The following CACNA1D variants were observed in gnomAD, a reference collection of about 807,000 sequenced individuals.
CACNA1D encodes the protein voltage-dependent L-type calcium channel subunit alpha-1D.
A neutral mutation model predicts 257.1 loss-of-function variants in CACNA1D; 55 were observed. The ratio of observed to expected loss-of-function variants is 0.21; its 90% CI spans 0.17 to 0.27. The LOEUF (loss-of-function observed/expected upper bound fraction) is 0.27, where lower values mean the gene tolerates loss of function less well. Ranked by LOEUF, CACNA1D falls within the 10% of genes least tolerant of loss-of-function variation. The pLI, the probability that CACNA1D is intolerant of heterozygous loss-of-function variation, is 1.00. For missense variants in CACNA1D, 1,876 were observed against 2,784.0 expected (o/e 0.67, Z 7.34); for synonymous variants, 980 against 1,014.9 (o/e 0.97, Z 0.65).
chr3:53,793,988 G>A lies in CACNA1D; in HGVS notation c.4924-6261G>A, dbSNP rs1231870788. Among the ~76,000 whole-genome samples the A allele has an allele frequency of 2.0e-5, 3 of 152,180 alleles. No individual in the cohort carries two copies. The highest frequency in any genetic ancestry group is 4.4e-5 in the Non-Finnish European group (3 of 68,036). On this transcript the variant is annotated intron_variant, in intron 40 of 47. Coordinates refer to ENST00000350061, the MANE Select transcript of CACNA1D (RefSeq NM_001128840.3). The surrounding 1 kb of genome is among the most constrained non-coding windows in gnomAD (Gnocchi z 4.1). ...CTCCTGGATAGAAGATGAGAGGCAG[G>A]CCAGTATACATTGTAGGGAGGCTCT...
At chr3:53,797,058 T>C (rs2095510745) in intron 40 of CACNA1D, among the ~76,000 whole-genome samples, 2 of 152,198 alleles carry the variant, frequency 1.3e-5, no homozygotes, top group African/African-American at 4.8e-5. Flanking sequence ...GTTTGTAAAG[T>C]GTTTATCCCA....
Position 53,809,961 on chromosome 3 carries a change from GTCCCCTCTT to G in CACNA1D, c.5872-13_5872-5del, listed in dbSNP as rs2095587659. On this transcript the variant is annotated splice_region_variant and splice_polypyrimidine_tract_variant and intron_variant, in intron 46 of 47. Coordinates refer to ENST00000350061, the MANE Select transcript of CACNA1D (RefSeq NM_001128840.3). The stretch of plus-strand genomic sequence containing the variant: ...TCTGAGAACCTCTGGTCTCCCAACA[GTCCCCTCTT>G]TCCTCAGATCATGGCAGTTGCCGGC... 1 of 1,612,846 alleles carries G rather than the reference GTCCCCTCTT, an allele frequency of 6.2e-7. No homozygotes were observed.
chr3:53,747,486 C>T, intron 26 of CACNA1D, 38 bp downstream of exon 26: 1 of 1,609,112 alleles, frequency 6.2e-7, no homozygotes, highest in Non-Finnish European at 8.5e-7. Context: ...GGAGAGGCAC[C>T]TGCGTGCCCA....
At chr3:53,535,259 G>C (rs1456121561) in intron 3 of CACNA1D, among the ~76,000 whole-genome samples, 1 of 152,186 alleles carries the variant, frequency 6.6e-6, no homozygotes, top group East Asian at 1.9e-4. Flanking sequence ...AAGGCAGGCA[G>C]GCAGGAGCAA....
chr3:53,597,348 G>T (rs2093383418), intron 3 of CACNA1D, among the ~76,000 whole-genome samples: 1 of 152,208 alleles, frequency 6.6e-6, no homozygotes, highest in African/African-American at 2.4e-5. Context: ...AGGTTGATGG[G>T]AGCATGTTAC....
intron 10 of CACNA1D, chr3:53,718,601 C>CCCCCCCAA: frequency 4.5e-6 from 5 of 1,103,158 alleles, no homozygotes; most frequent in Non-Finnish European, 6.7e-6. Context: ...CCCCCCGGCC[C>CCCCCCCAA]AGCATTTCAC....
chr3:53,687,362 TTTACTGTAAAGCTGTA>T (rs2108500151), intron 8 of CACNA1D, among the ~76,000 whole-genome samples: 1 of 152,238 alleles, frequency 6.6e-6, no homozygotes, highest in Non-Finnish European at 1.5e-5. Flanking sequence ...GATTTCAAAA[TTTACTGTAAAGCTGTA>T]ATAAATACAA....
At chr3:53,554,387 T>C (rs1191221789) in intron 3 of CACNA1D, among the ~76,000 whole-genome samples, 45 of 152,184 alleles carry the variant, frequency 3.0e-4, no homozygotes, top group Admixed American at 2.9e-3. Context: ...TGAACAATCA[T>C]ATGCAATTCC....
intron 3 of CACNA1D, among the ~76,000 whole-genome samples, chr3:53,613,916 A>G (rs1213732249): frequency 2.6e-5 from 4 of 152,144 alleles, no homozygotes; most frequent in Admixed American, 2.0e-4. Flanking sequence ...AAAGTTCAAT[A>G]TAAGAAATTA....
intron 3 of CACNA1D, among the ~76,000 whole-genome samples, chr3:53,503,333 T>C (rs1025201905): frequency 1.3e-5 from 2 of 152,218 alleles, no homozygotes; most frequent in African/African-American, 4.8e-5. Context: ...TGTAGACATG[T>C]GACATTAGAT....
intron 40 of CACNA1D, chr3:53,791,427 A>G (rs2106642281): frequency 6.1e-6 from 1 of 164,766 alleles, no homozygotes; most frequent in Non-Finnish European, 1.3e-5. Flanking sequence ...AAATAAAAAT[A>G]AAAAGATTAA....
At chr3:53,509,323 G>A (rs2091008155) in intron 3 of CACNA1D, among the ~76,000 whole-genome samples, 1 of 152,040 alleles carries the variant, frequency 6.6e-6, no homozygotes, top group Non-Finnish European at 1.5e-5. Context: ...GAGAGCTCAT[G>A]CTCATGAGTG....
At chr3:53,628,565 A>G (rs1268651047) in intron 3 of CACNA1D, among the ~76,000 whole-genome samples, 1 of 152,254 alleles carries the variant, frequency 6.6e-6, no homozygotes, top group Non-Finnish European at 1.5e-5. Flanking sequence ...ATACAGAGTA[A>G]AAACTGAAGC....
intron 15 of CACNA1D, among the ~76,000 whole-genome samples, chr3:53,730,118 A>T (rs938639593): frequency 6.6e-6 from 1 of 152,248 alleles, no homozygotes; most frequent in Non-Finnish European, 1.5e-5. Flanking sequence ...AAAATGTATA[A>T]CATAGCTATA....
At chr3:53,548,062 A>G (rs2092450617) in intron 3 of CACNA1D, among the ~76,000 whole-genome samples, 1 of 152,160 alleles carries the variant, frequency 6.6e-6, no homozygotes, top group African/African-American at 2.4e-5. Context: ...CCCCACTTCC[A>G]TCAAGGAGTA....
chr3:53,717,084 G>A (rs546163523), intron 9 of CACNA1D, among the ~76,000 whole-genome samples: 6 of 152,366 alleles, frequency 3.9e-5, no homozygotes, highest in African/African-American at 1.4e-4. Flanking sequence ...GCTAAGGGGA[G>A]CCACACGGGC....
At chr3:53,752,978 G>A (rs1052602939) in intron 28 of CACNA1D, among the ~76,000 whole-genome samples, 2 of 152,236 alleles carry the variant, frequency 1.3e-5, no homozygotes, top group East Asian at 1.9e-4. Flanking sequence ...AGGACAGGAA[G>A]CAAAGACCAA....
chr3:53,496,388 A>G (rs1426116843), intron 1 of CACNA1D, among the ~76,000 whole-genome samples: 1 of 152,218 alleles, frequency 6.6e-6, no homozygotes, highest in Non-Finnish European at 1.5e-5. Context: ...CAGTCAGTCT[A>G]TCCTAGGTGT....
chr3:53,703,311 G>T (rs553594564), intron 9 of CACNA1D, among the ~76,000 whole-genome samples: 1 of 152,154 alleles, frequency 6.6e-6, no homozygotes, highest in African/African-American at 2.4e-5. Flanking sequence ...GGAGGAAACC[G>T]GCTCACCATT....
Sources: allele counts gnomAD v4.1 joint callset (sites outside exome capture counted in the v4.1 genomes callset), GRCh38; gene constraint gnomAD v4.1.1; non-coding constraint Gnocchi (gnomAD v3.1); transcripts MANE v1.5; gene names NCBI Gene and HGNC (gene_info 2026-07-23, HGNC 2026-07-21).